CEP44: variants seen among roughly 807,000 people sequenced by gnomAD.
The protein encoded by CEP44 is centrosomal protein 44.
CEP44 carries 45 observed loss-of-function variants against 46.7 expected under a neutral mutation model. The ratio of observed to expected loss-of-function variants is 0.96; its 90% CI spans 0.76 to 1.24. The LOEUF (loss-of-function observed/expected upper bound fraction) is 1.24, where lower values mean the gene tolerates loss of function less well. Among genes scored for constraint, CEP44 ranks in the 50% most tolerant of loss-of-function variants. CEP44 has a pLI of 0.00. For synonymous variants in CEP44, 142 were observed against 146.0 expected (o/e 0.97, Z 0.20); for missense variants, 475 against 459.7 (o/e 1.03, Z -0.30).
chr4:174,320,300 T>C lies in CEP44; in HGVS notation c.*2917T>C, dbSNP rs549699639. ...CTGTTTTTAATGTGATGTTGTAATA[T>C]ATTTTAAAAATAAAACTTGAAAACG... is the stretch of plus-strand genomic sequence containing the variant. On this transcript the variant is annotated 3_prime_UTR_variant, in exon 12 of 12. Coordinates refer to ENST00000503780, the MANE Select transcript of CEP44 (RefSeq NM_001040157.3). 1.7e-5 allele frequency: 17 copies of C among 978,018 alleles called. No individual in the cohort carries two copies. In the East Asian group the frequency reaches 1.8e-3, roughly 105 times the overall value. The allele number at this position is 978,018 out of a possible 1,614,324, so 60.6% of individuals were successfully genotyped here.
At position 174,331,148 on chromosome 4, in the gene CEP44, G is replaced by A. The variant is rs1045910331; in HGVS notation, c.1087-334G>A. Among the ~76,000 whole-genome samples the A allele has an allele frequency of 6.6e-6, 1 of 150,534 alleles. No homozygotes were observed. Among genetic ancestry groups the A allele is most frequent in the African/African-American group, 2.4e-5 (1 of 40,930 alleles). ...GAGTATTTTCATTTTTAATTAGTAC[G>A]TAAATTAGATCTCATAATTATGTTA... On this transcript the variant is annotated intron_variant, in intron 8 of 8. Transcript: ENST00000426172. This position sits in a 1 kb window ranked among gnomAD's most constrained non-coding sequence, Gnocchi z 4.5.
chr4:174,316,622 G>C, intron 11 of CEP44, 55 bp downstream of exon 11: 1 of 1,462,942 alleles, frequency 6.8e-7, no homozygotes, highest in Non-Finnish European at 9.4e-7. Context: ...AATTGTATTG[G>C]ATTACAGTAT....
intron 6 of CEP44, among the ~76,000 whole-genome samples, chr4:174,306,840 C>T (rs1740463749): frequency 6.6e-6 from 1 of 152,068 alleles, no homozygotes; most frequent in Non-Finnish European, 1.5e-5. Context: ...AGAACCAAAT[C>T]ACAAACAAAC....
In CEP44 at chr4:174,311,848, A is replaced by T. The variant is rs1203968697; in HGVS notation, c.961+990A>T. 1.3e-5 allele frequency among the ~76,000 whole-genome samples: 2 copies of T among 152,200 alleles called. No homozygotes were observed. The highest frequency in any genetic ancestry group is 1.5e-5 in the Non-Finnish European group (1 of 68,020). The stretch of plus-strand genomic sequence containing the variant: ...CATATTTGGAGCACATATCAATATC[A>T]TTGCACAAAGAACAATTTCAGTGAT... On this transcript the variant is annotated intron_variant, in intron 9 of 11. Coordinates refer to ENST00000503780, the MANE Select transcript of CEP44 (RefSeq NM_001040157.3). This position sits in a 1 kb window ranked among gnomAD's most constrained non-coding sequence, Gnocchi z 4.4.
chr4:174,311,555 A>G lies in CEP44; in HGVS notation c.961+697A>G, dbSNP rs1184823297. On this transcript the variant is annotated intron_variant, in intron 9 of 11. Coordinates refer to ENST00000503780, the MANE Select transcript of CEP44 (RefSeq NM_001040157.3). The surrounding 1 kb of genome is among the most constrained non-coding windows in gnomAD (Gnocchi z 4.4). ...TTAATATCTGTGGATTGTTAACGTT[A>G]TAAAATCTTTCAGCTCTACTATATG... Among the ~76,000 whole-genome samples the G allele has an allele frequency of 3.3e-5, 5 of 152,162 alleles. No homozygotes were observed. Among genetic ancestry groups the G allele is most frequent in the African/African-American group, 1.2e-4 (5 of 41,466 alleles).
chr4:174,320,019 T>C lies in CEP44; in HGVS notation c.*2636T>C. The C allele has an allele frequency of 1.0e-6, 1 of 985,228 alleles. No homozygotes were observed. The highest frequency in any genetic ancestry group is 1.2e-6 in the Non-Finnish European group (1 of 829,780). The allele number at this position is 985,228 out of a possible 1,614,324, so 61.0% of individuals were successfully genotyped here. ...AAAATTTTCACTTTCATTCTTTTCA[T>C]TCTCTCATAAACTGGTTGAAAAAAC... is the stretch of plus-strand genomic sequence containing the variant. On this transcript the variant is annotated 3_prime_UTR_variant, in exon 12 of 12. Transcript: ENST00000503780.
chr4:174,296,160 T>C (rs1383702283), intron 1 of CEP44, among the ~76,000 whole-genome samples: 1 of 152,256 alleles, frequency 6.6e-6, no homozygotes, highest in African/African-American at 2.4e-5. Flanking sequence ...ATTGAAAGTT[T>C]GGTGCTATTT....
At chr4:174,332,258 A>G (rs1416051487) in exon 9 of CEP44, 1 of 152,258 alleles carries the variant, frequency 6.6e-6, no homozygotes, top group Non-Finnish European at 1.5e-5. Flanking sequence ...AAATACAGCA[A>G]TATGAAGAAA....
intron 6 of CEP44, among the ~76,000 whole-genome samples, chr4:174,306,203 A>G (rs1245689559): frequency 6.6e-6 from 1 of 152,154 alleles, no homozygotes. Flanking sequence ...AGGTAAATGC[A>G]TACCGTGACC....
In CEP44 at chr4:174,297,584, G is replaced by A. The variant is rs1448831966; in HGVS notation, c.-147-382G>A. Among the ~76,000 whole-genome samples the A allele has an allele frequency of 6.6e-6, 1 of 152,096 alleles. No homozygotes were observed. Among genetic ancestry groups the A allele is most frequent in the Non-Finnish European group, 1.5e-5 (1 of 68,020 alleles). On this transcript the variant is annotated intron_variant, in intron 1 of 11. Coordinates refer to ENST00000503780, the MANE Select transcript of CEP44 (RefSeq NM_001040157.3). The surrounding 1 kb of genome is among the most constrained non-coding windows in gnomAD (Gnocchi z 4.3). Reference sequence around the variant, plus strand: ...ACCTTCTCTAGCATAGAACCTGATAGTCTGCTGTCACAGAGGATGTAAGTC... The same window carrying A: ...ACCTTCTCTAGCATAGAACCTGATAATCTGCTGTCACAGAGGATGTAAGTC...
At chr4:174,303,440 A>G (rs987617175) in intron 4 of CEP44, among the ~76,000 whole-genome samples, 4 of 152,108 alleles carry the variant, frequency 2.6e-5, no homozygotes, top group Non-Finnish European at 4.4e-5. Context: ...CTTTTTGATG[A>G]TTGACTATAT....
In CEP44 at chr4:174,318,807, GTTTT is replaced by G; in HGVS notation, c.*1435_*1438del. On this transcript the variant is annotated 3_prime_UTR_variant, in exon 12 of 12. Coordinates refer to ENST00000503780, the MANE Select transcript of CEP44 (RefSeq NM_001040157.3). ...AAGAAAACATTTTTAGAATTCCTTT[GTTTT>G]TTTTTTTTTTCTTTTTGAAACAGGG... 1.8e-6 allele frequency: 1 copy of G among 565,286 alleles called. No individual in the cohort carries two copies. The highest frequency in any genetic ancestry group is 2.2e-6 in the Non-Finnish European group (1 of 455,854). The allele number at this position is 565,286 out of a possible 1,614,324, so 35.0% of individuals were successfully genotyped here.
chr4:174,332,812 G>A (rs1731380567), exon 9 of CEP44: 1 of 152,126 alleles, frequency 6.6e-6, no homozygotes, highest in Admixed American at 6.6e-5. Flanking sequence ...AGTGTATTTT[G>A]GGGGTAATAA....
At chr4:174,327,222 G>A (rs1306997019) in intron 8 of CEP44, among the ~76,000 whole-genome samples, 6 of 148,548 alleles carry the variant, frequency 4.0e-5, no homozygotes, top group Admixed American at 2.7e-4. Flanking sequence ...ACAGATAAAT[G>A]GTATCAAAAA....
In CEP44 at chr4:174,331,506, T is replaced by A. The variant is rs1394766338; in HGVS notation, c.1111T>A (p.Ser371Thr). 1.3e-6 allele frequency: 2 copies of A among 1,551,620 alleles called. No individual in the cohort carries two copies. Among genetic ancestry groups the A allele is most frequent in the South Asian group, 2.4e-5 (2 of 84,058 alleles). Residue 371 changes from serine (S) to threonine (T), a missense_variant, in exon 9 of 9, where the codon TCC (serine) becomes ACC (threonine). Transcript: ENST00000426172. The surrounding 1 kb of genome is among the most constrained non-coding windows in gnomAD (Gnocchi z 4.5). Reference sequence around the variant, plus strand: ...GAATTTTCCTGCATGGAGTGCTACATCCTCTTGTTCCAGTCTCAGCTGGCT... The same window carrying A: ...GAATTTTCCTGCATGGAGTGCTACAACCTCTTGTTCCAGTCTCAGCTGGCT...
At position 174,317,790 on chromosome 4, in the gene CEP44, A is replaced by G. The variant is rs1367822565; in HGVS notation, c.*407A>G. ...TGTATTATACCCAGGAGGCTCTCATATATACCATCTTGGCATCTGTACTGA... is the reference window on the plus strand; with the variant it reads ...TGTATTATACCCAGGAGGCTCTCATGTATACCATCTTGGCATCTGTACTGA... On this transcript the variant is annotated 3_prime_UTR_variant, in exon 12 of 12. Transcript: ENST00000503780. 2 of 986,744 alleles carry G rather than the reference A, an allele frequency of 2.0e-6. No individual in the cohort carries two copies. The highest frequency in any genetic ancestry group is 3.5e-5 in the African/African-American group (2 of 57,420). 61.1% of individuals were successfully genotyped at this position (986,744 alleles called of 1,614,324 possible). A position where few individuals can be genotyped will look rare whatever the true frequency, so the allele number is the denominator to read the frequency against.
Position 174,329,110 on chromosome 4 carries a change from AT to A in CEP44, c.1087-2363del, listed in dbSNP as rs931316052. Among the ~76,000 whole-genome samples the A allele has an allele frequency of 2.6e-5, 4 of 151,252 alleles. No homozygotes were observed. The highest frequency in any genetic ancestry group is 2.1e-4 in the South Asian group (1 of 4,780). On this transcript the variant is annotated intron_variant, in intron 8 of 8. Coordinates refer to the CEP44 transcript ENST00000426172. The surrounding 1 kb of genome is among the most constrained non-coding windows in gnomAD (Gnocchi z 4.0). ...TACAGATGTGTGCCACTGCACCTGG[AT>A]TTTTTTTTATTGGTATTTTTTCGGA...
chr4:174,296,763 ATTTTTTTTTT>A (rs202212472), intron 1 of CEP44, among the ~76,000 whole-genome samples: 1 of 90,420 alleles, frequency 1.1e-5, no homozygotes, highest in Non-Finnish European at 2.1e-5. Context: ...GTCCTTACTG[ATTTTTTTTTT>A]TTTTTTTTTT....
At position 174,288,095 on chromosome 4, in the gene CEP44, G is replaced by C. The variant is rs915075734; in HGVS notation, c.-148+4152G>C. Among the ~76,000 whole-genome samples the C allele has an allele frequency of 1.8e-4, 28 of 152,280 alleles. No homozygotes were observed. The highest frequency in any genetic ancestry group is 6.5e-4 in the African/African-American group (27 of 41,562). On this transcript the variant is annotated intron_variant, in intron 1 of 11. Transcript: ENST00000503780. The surrounding 1 kb of genome is among the most constrained non-coding windows in gnomAD (Gnocchi z 4.6). ...TTAGAGGTGTGTGTACAGGGATCTG[G>C]TGCTGCTTCATTTTTTAACCTGTTT...
Sources: allele counts gnomAD v4.1 joint callset (sites outside exome capture counted in the v4.1 genomes callset), GRCh38; gene constraint gnomAD v4.1.1; non-coding constraint Gnocchi (gnomAD v3.1); transcripts MANE v1.5; gene names NCBI Gene and HGNC (gene_info 2026-07-23, HGNC 2026-07-21).